ATP13A2: variants seen among roughly 807,000 people sequenced by gnomAD.
The protein encoded by ATP13A2 is polyamine-transporting ATPase 13A2.
Under a neutral mutation model 138.3 loss-of-function variants are expected in ATP13A2, and 83 were observed. The ratio of observed to expected loss-of-function variants is 0.60; its 90% confidence interval spans 0.50 to 0.72. ATP13A2 has a LOEUF of 0.72. Among genes scored for constraint, ATP13A2 ranks in the 30% least tolerant of loss-of-function variants. The probability of loss-of-function intolerance (pLI) is 0.00; values close to 1 mark genes in which losing one functional copy is unlikely to be tolerated. For synonymous variants in ATP13A2, 663 were observed against 699.0 expected (o/e 0.95, Z 0.81); for missense variants, 1,402 against 1,606.4 (o/e 0.87, Z 2.17).
intron 7 of ATP13A2, 69 bp from the exon 8 acceptor site, chr1:17,002,172 G>A: frequency 1.3e-6 from 2 of 1,582,248 alleles, no homozygotes; most frequent in Non-Finnish European, 1.7e-6. Context: ...GGGTGAAGGA[G>A]CTCCCCACTT....
rs757300078 is a variant in ATP13A2, at chr1:16,992,052, G to A, written c.2083C>T (p.Leu695=). ...YRVVALASKP[L]PTVPSLEAAQ... ...GCCTCCAGGCTGGGCACAGTGGGCAGTGGCTTGCTGGCCAGGGCCACGACA... is the reference window on the plus strand; with the variant it reads ...GCCTCCAGGCTGGGCACAGTGGGCAATGGCTTGCTGGCCAGGGCCACGACA... The change falls in exon 19 of 29, where the codon CTG becomes TTG. Residue 695 remains leucine, a synonymous_variant. Transcript: ENST00000326735. The A allele has an allele frequency of 3.1e-6, 5 of 1,613,202 alleles. No individual in the cohort carries two copies. Among genetic ancestry groups the A allele is most frequent in the Non-Finnish European group, 4.2e-6 (5 of 1,179,818 alleles).
At chr1:17,001,027 A>T (rs911170822) in intron 8 of ATP13A2, among the ~76,000 whole-genome samples, 1 of 152,158 alleles carries the variant, frequency 6.6e-6, no homozygotes, top group South Asian at 2.1e-4. Context: ...AGTGTCATAC[A>T]ATGGCAATGA....
In ATP13A2 at chr1:17,005,692, A is replaced by T. The variant is rs1205052411; in HGVS notation, c.97T>A (p.Ser33Thr). Residue 33 changes from serine (S) to threonine (T), a missense_variant, in exon 2 of 29, where the codon TCA becomes ACA. Ser to Thr is a moderately conservative substitution (Grantham distance 58). Coordinates refer to ENST00000326735, the MANE Select transcript of ATP13A2 (RefSeq NM_022089.4). ...TSIDPLSSSV[S>T]SVRLSGYCGS... ...CCACTCTGCCCACTTACCACGGATG[A>T]AACTGAGGAGCTGAGGGGATCTATT... 6.2e-7 allele frequency: 1 copy of T among 1,613,866 alleles called. No homozygotes were observed. Among genetic ancestry groups the T allele is most frequent in the African/African-American group, 1.3e-5 (1 of 74,940 alleles).
intron 6 of ATP13A2, among the ~76,000 whole-genome samples, chr1:17,003,585 C>CCATACACA (rs1553171559): frequency 1.5e-5 from 2 of 132,988 alleles, no homozygotes; most frequent in African/African-American, 5.8e-5. Flanking sequence ...ACCAAAAAAA[C>CCATACACA]CACACACACA....
rs370356637 is a variant in ATP13A2, at chr1:16,988,200, C to T, written c.2797G>A (p.Val933Ile). 2.5e-5 allele frequency: 41 copies of T among 1,614,064 alleles called. 1 individual carries two copies. The highest frequency in any genetic ancestry group is 1.6e-4 in the Middle Eastern group (1 of 6,084). ...CTGTACAGAGCCATGTACTTGAAGA[C>T]GCTGAACGAAGTGTCAAGGGAACAG... Reference protein sequence around the residue: ...GRCSLDTSFSVFKYMALYSLT... With the variant: ...GRCSLDTSFSIFKYMALYSLT... The change falls in exon 25 of 29, where the codon GTC becomes ATC. Residue 933 changes from valine to isoleucine, a missense_variant. By Grantham distance (29) the Val-to-Ile change is conservative. Transcript: ENST00000326735.
In ATP13A2 at chr1:17,004,429, G is replaced by C; in HGVS notation, c.478-18C>G. On this transcript the variant is annotated intron_variant, in intron 5 of 28. Coordinates refer to ENST00000326735, the MANE Select transcript of ATP13A2 (RefSeq NM_022089.4). The surrounding 1 kb of genome is among the most constrained non-coding windows in gnomAD (Gnocchi z 4.1). ...ACCCGCTTCTGGGTGGGAGAGAGGA[G>C]AGGATGGGTTGGAAGCTGGCCCCGG... 6.2e-7 allele frequency: 1 copy of C among 1,613,782 alleles called. No homozygotes were observed. The highest frequency in any genetic ancestry group is 8.5e-7 in the Non-Finnish European group (1 of 1,179,836).
rs2077070407 is a variant in ATP13A2 at position 16,995,069 on chromosome 1, C to T, written c.1542+907G>A. 6.6e-6 allele frequency among the ~76,000 whole-genome samples: 1 copy of T among 152,216 alleles called. No individual in the cohort carries two copies. The highest frequency in any genetic ancestry group is 2.4e-5 in the African/African-American group (1 of 41,446). ...CCGGCCCTGTCCTGCTCCACCACTC[C>T]CTGTGCTCAGGTACGCAGCACATCT... On this transcript the variant is annotated intron_variant, in intron 15 of 28. Transcript: ENST00000326735. This position sits in a 1 kb window ranked among gnomAD's most constrained non-coding sequence, Gnocchi z 4.1.
chr1:17,010,532 C>A (rs1023138227), intron 1 of ATP13A2, among the ~76,000 whole-genome samples: 1 of 152,212 alleles, frequency 6.6e-6, no homozygotes, highest in African/African-American at 2.4e-5. Flanking sequence ...AACTGAGGAA[C>A]AGCATGTGAA....
At chr1:17,003,364 C>T (rs886427465) in intron 6 of ATP13A2, among the ~76,000 whole-genome samples, 1 of 152,032 alleles carries the variant, frequency 6.6e-6, no homozygotes, top group Non-Finnish European at 1.5e-5. Context: ...TTGAGAACAG[C>T]CTGGCCAACA....
At chr1:16,989,623 G>C in intron 23 of ATP13A2, 68 bp downstream of exon 23, 5 of 1,526,168 alleles carry the variant, frequency 3.3e-6, no homozygotes, top group Non-Finnish European at 4.5e-6. Flanking sequence ...GGGAAGGACA[G>C]ATGAACAGAC....
In ATP13A2 at chr1:17,004,443, A is replaced by G. The variant is rs2077474922; in HGVS notation, c.478-32T>C. ...GGGAGAGAGGAGAGGATGGGTTGGAAGCTGGCCCCGGCCCCAGAAGCAGTG... is the reference window on the plus strand; with the variant it reads ...GGGAGAGAGGAGAGGATGGGTTGGAGGCTGGCCCCGGCCCCAGAAGCAGTG... On this transcript the variant is annotated intron_variant, in intron 5 of 28. Coordinates refer to ENST00000326735, the MANE Select transcript of ATP13A2 (RefSeq NM_022089.4). The surrounding 1 kb of genome is among the most constrained non-coding windows in gnomAD (Gnocchi z 4.1). 1 of 1,611,554 alleles carries G rather than the reference A, an allele frequency of 6.2e-7. No individual in the cohort carries two copies. Among genetic ancestry groups the G allele is most frequent in the Admixed American group, 1.7e-5 (1 of 59,866 alleles).
At position 16,995,630 on chromosome 1, in the gene ATP13A2, T is replaced by C; in HGVS notation, c.1542+346A>G. On this transcript the variant is annotated intron_variant, in intron 15 of 28. Coordinates refer to ENST00000326735, the MANE Select transcript of ATP13A2 (RefSeq NM_022089.4). This position sits in a 1 kb window ranked among gnomAD's most constrained non-coding sequence, Gnocchi z 4.1. ...GCCTGGCTAACTTTTGTATTTTTAG[T>C]AGACGGGGTTTTGCCATGTTGGTCA... The C allele has an allele frequency of 2.6e-6, 1 of 378,154 alleles. No homozygotes were observed. The highest frequency in any genetic ancestry group is 6.5e-5 in the East Asian group (1 of 15,302). 23.4% of individuals were successfully genotyped at this position (378,154 alleles called of 1,614,324 possible). A position where few individuals can be genotyped will look rare whatever the true frequency, so the allele number is the denominator to read the frequency against.
In ATP13A2 at chr1:17,011,820, G is replaced by A. The variant is rs56173726; in HGVS notation, c.-82C>T. 19 of 1,130,178 alleles carry A rather than the reference G, an allele frequency of 1.7e-5. No homozygotes were observed. The highest frequency in any genetic ancestry group is 2.0e-5 in the Non-Finnish European group (19 of 927,078). The allele number at this position is 1,130,178 out of a possible 1,614,324, so 70.0% of individuals were successfully genotyped here. A position where few individuals can be genotyped will look rare whatever the true frequency, so the allele number is the denominator to read the frequency against. On this transcript the variant is annotated 5_prime_UTR_variant, in exon 1 of 29. Coordinates refer to ENST00000326735, the MANE Select transcript of ATP13A2 (RefSeq NM_022089.4). The surrounding 1 kb of genome is among the most constrained non-coding windows in gnomAD (Gnocchi z 7.3). ...GGCGTGCGCAAGGCCCTGGGCGGGG[G>A]CGCGGTCCGGACGGCCCGGGGCGAG... is the stretch of plus-strand genomic sequence containing the variant.
At chr1:17,001,999 G>C (rs761693495) in intron 8 of ATP13A2, 35 bp downstream of exon 8, 25 of 1,592,660 alleles carry the variant, frequency 1.6e-5, no homozygotes, top group Non-Finnish European at 2.1e-5. Flanking sequence ...CAGCACGCCA[G>C]GCAGGGCTGG....
At chr1:16,988,541 AAT>A in intron 23 of ATP13A2, 67 bp from the exon 24 acceptor site, 2 of 1,607,896 alleles carry the variant, frequency 1.2e-6, no homozygotes, top group Non-Finnish European at 1.7e-6. Flanking sequence ...GGGCTGGCAG[AAT>A]ATGATGACAG....
chr1:17,000,194 G>GGGGCCCCC, intron 10 of ATP13A2, 52 bp from the exon 11 acceptor site: 4 of 1,570,204 alleles, frequency 2.5e-6, no homozygotes, highest in Non-Finnish European at 2.6e-6. Context: ...CCCCAGCCAT[G>GGGGCCCCC]CCCCCCCACC....
intron 1 of ATP13A2, among the ~76,000 whole-genome samples, chr1:17,009,791 C>T (rs887637076): frequency 5.3e-5 from 8 of 152,144 alleles, no homozygotes; most frequent in South Asian, 2.1e-4. Context: ...TCATGGCAAT[C>T]GTATGACTGT....
intron 11 of ATP13A2, among the ~76,000 whole-genome samples, chr1:16,999,072 G>C (rs914886221): frequency 6.6e-5 from 10 of 151,994 alleles, no homozygotes; most frequent in Non-Finnish European, 1.2e-4. Flanking sequence ...CTGAAGGTGG[G>C]CACTGGTATA....
At position 17,011,783 on chromosome 1, in the gene ATP13A2, G is replaced by A. The variant is rs1191400840; in HGVS notation, c.-45C>T. 2.9e-6 allele frequency: 4 copies of A among 1,391,102 alleles called. No homozygotes were observed. Among genetic ancestry groups the A allele is most frequent in the East Asian group, 3.3e-5 (1 of 29,908 alleles). The allele number at this position is 1,391,102 out of a possible 1,614,324, so 86.2% of individuals were successfully genotyped here. On this transcript the variant is annotated 5_prime_UTR_variant, in exon 1 of 29. Transcript: ENST00000326735. The surrounding 1 kb of genome is among the most constrained non-coding windows in gnomAD (Gnocchi z 7.3). ...CGCCGGCCCCGGCGCTGCGGCCCTC[G>A]GCCTGGGCCCCGGCGTGCGCAAGGC...
Sources: allele counts gnomAD v4.1 joint callset (sites outside exome capture counted in the v4.1 genomes callset), GRCh38; gene constraint gnomAD v4.1.1; non-coding constraint Gnocchi (gnomAD v3.1); transcripts MANE v1.5; gene names NCBI Gene and HGNC (gene_info 2026-07-23, HGNC 2026-07-21).